Variants in DLGAP1 observed in about 807,000 individuals in gnomAD.
The protein encoded by DLGAP1 is DLG associated protein 1, also known as disks large-associated protein 1.
In DLGAP1, 11 loss-of-function variants were observed where a neutral mutation model predicts 90.8. That is an observed-to-expected ratio of 0.12 (90% CI 0.08 to 0.20). DLGAP1 has a LOEUF of 0.20. Among genes scored for constraint, DLGAP1 ranks in the 10% least tolerant of loss-of-function variants. The probability of loss-of-function intolerance (pLI) is 1.00; values close to 1 mark genes in which losing one functional copy is unlikely to be tolerated. For missense variants in DLGAP1, 1,050 were observed against 1,333.8 expected, an observed-to-expected ratio of 0.79 and a Z score of 3.31; for synonymous variants, 558 against 540.7, an observed-to-expected ratio of 1.03 and a Z score of -0.44.
chr18:3,715,102 C>G (rs1031184201), intron 7 of DLGAP1, among the ~76,000 whole-genome samples: 1 of 152,202 alleles, frequency 6.6e-6, no homozygotes, highest in Non-Finnish European at 1.5e-5. Context: ...GGAAGAAGCT[C>G]AACTGCTTAT....
intron 2 of DLGAP1, among the ~76,000 whole-genome samples, chr18:4,136,527 T>C (rs1339082421): frequency 1.3e-5 from 2 of 152,228 alleles, no homozygotes; most frequent in African/African-American, 4.8e-5. Flanking sequence ...TGTTTGGTAT[T>C]TGTATGTCTT....
chr18:3,776,474 C>A (rs188159089), intron 5 of DLGAP1, among the ~76,000 whole-genome samples: 10 of 152,208 alleles, frequency 6.6e-5, no homozygotes, highest in Admixed American at 5.2e-4. Context: ...AAGAGACCGG[C>A]CTCTTGGATG....
chr18:4,447,078 A>G (rs116034478), intron 1 of DLGAP1, among the ~76,000 whole-genome samples: 7,507 of 152,316 alleles, frequency 0.049, 637 homozygotes, highest in African/African-American at 0.17. Flanking sequence ...TGCTGTTGGG[A>G]TCATAAATAG....
At chr18:3,566,995 A>G (rs1487108156) in intron 9 of DLGAP1, among the ~76,000 whole-genome samples, 1 of 152,190 alleles carries the variant, frequency 6.6e-6, no homozygotes, top group African/African-American at 2.4e-5. Context: ...GGTAAAGAGT[A>G]ATCTGAAGGA....
At chr18:4,232,756 G>T (rs1568463148) in intron 1 of DLGAP1, among the ~76,000 whole-genome samples, 1 of 152,138 alleles carries the variant, frequency 6.6e-6, no homozygotes, top group Non-Finnish European at 1.5e-5. Flanking sequence ...TCTCATATGG[G>T]ACTTAGGGCA....
chr18:4,004,331 T>C (rs1457161525), intron 3 of DLGAP1, among the ~76,000 whole-genome samples: 1 of 151,850 alleles, frequency 6.6e-6, no homozygotes, highest in Admixed American at 6.5e-5. Flanking sequence ...ACAGAGCACA[T>C]GATATAAGTA....
At chr18:3,995,426 T>C (rs1477431432) in intron 3 of DLGAP1, 3 of 152,230 alleles carry the variant, frequency 2.0e-5, no homozygotes, top group Non-Finnish European at 4.4e-5. Context: ...TCTACTCTTT[T>C]GTATCTTCTT....
intron 1 of DLGAP1, among the ~76,000 whole-genome samples, chr18:4,160,718 G>A (rs1462394584): frequency 1.3e-5 from 2 of 152,114 alleles, no homozygotes; most frequent in African/African-American, 2.4e-5. Flanking sequence ...TCACCTCTCA[G>A]TGTTTGCCTC....
intron 1 of DLGAP1, among the ~76,000 whole-genome samples, chr18:4,371,446 T>A (rs2081914627): frequency 6.6e-6 from 1 of 152,230 alleles, no homozygotes; most frequent in African/African-American, 2.4e-5. Flanking sequence ...GCAGATAGCA[T>A]CACATGCGTT....
chr18:4,240,762 G>GT (rs1226376210), intron 1 of DLGAP1, among the ~76,000 whole-genome samples: 3 of 152,150 alleles, frequency 2.0e-5, no homozygotes, highest in Non-Finnish European at 4.4e-5. Context: ...AATTTGGAAA[G>GT]TATTTTGTTA....
intron 3 of DLGAP1, among the ~76,000 whole-genome samples, chr18:3,942,871 T>C (rs932158309): frequency 1.1e-4 from 17 of 152,180 alleles, no homozygotes; most frequent in Non-Finnish European, 2.5e-4. Flanking sequence ...GTCTAGGGTT[T>C]GGGTACGGGA....
At chr18:3,625,153 T>C (rs979647041) in intron 7 of DLGAP1, among the ~76,000 whole-genome samples, 3 of 152,178 alleles carry the variant, frequency 2.0e-5, no homozygotes, top group Admixed American at 6.5e-5. Context: ...GCCCCCTTCA[T>C]AGAGATGAAG....
chr18:4,198,090 G>C (rs2077535752), intron 1 of DLGAP1, among the ~76,000 whole-genome samples: 1 of 152,076 alleles, frequency 6.6e-6, no homozygotes, highest in African/African-American at 2.4e-5. Flanking sequence ...GGGGCGTGGT[G>C]GTGGGCGCCT....
intron 3 of DLGAP1, among the ~76,000 whole-genome samples, chr18:3,972,951 C>T (rs535561045): frequency 1.3e-5 from 2 of 152,346 alleles, no homozygotes; most frequent in African/African-American, 4.8e-5. Context: ...AGGCTCTATT[C>T]TACATTAATT....
chr18:3,969,194 A>C (rs2073393032), intron 3 of DLGAP1, among the ~76,000 whole-genome samples: 1 of 152,206 alleles, frequency 6.6e-6, no homozygotes, highest in Non-Finnish European at 1.5e-5. Context: ...AAACTATGCG[A>C]ACTTCCATCT....
chr18:4,319,943 C>G (rs1308492808), intron 1 of DLGAP1, among the ~76,000 whole-genome samples: 1 of 152,162 alleles, frequency 6.6e-6, no homozygotes, highest in Non-Finnish European at 1.5e-5. Flanking sequence ...TCTCAGCCCT[C>G]CCACTCTGGG....
At chr18:4,265,668 CCTTCCTTCCTT>C (rs1568480364) in intron 1 of DLGAP1, among the ~76,000 whole-genome samples, 90 of 71,762 alleles carry the variant, frequency 1.3e-3, no homozygotes, top group Middle Eastern at 0.017. Context: ...TCCCTCCCTT[CCTTCCTTCCTT>C]CCTTCCTTCC....
chr18:3,589,263 T>C (rs956439439), intron 7 of DLGAP1, among the ~76,000 whole-genome samples: 3 of 152,252 alleles, frequency 2.0e-5, no homozygotes, highest in Non-Finnish European at 2.9e-5. Flanking sequence ...TTTTATTCTG[T>C]AGTGGTGAAG....
rs577350940 is a variant in DLGAP1, at chr18:3,754,824, G to A, written c.1173-12312C>T. ...GGCAGGAGAATTGCTTGAACCCGGG[G>A]GTTGGAGGTTGCAGTGAGCAGAGAT... On this transcript the variant is annotated intron_variant, in intron 5 of 12. Transcript: ENST00000315677. 3.3e-5 allele frequency among the ~76,000 whole-genome samples: 5 copies of A among 151,942 alleles called. No individual in the cohort carries two copies. The South Asian group carries it at 8.3e-4, about 25-fold the overall frequency.
Sources: gnomAD v4.1 joint callset for allele counts (sites outside exome capture counted in the v4.1 genomes callset) on GRCh38, gnomAD v4.1.1 for gene constraint, MANE v1.5 for transcripts, NCBI Gene and HGNC (gene_info 2026-07-23, HGNC 2026-07-21) for gene names.